RBFOX1: variants seen among roughly 807,000 people sequenced by gnomAD.
The protein encoded by RBFOX1 is RNA binding protein fox-1 homolog 1.
RBFOX1 carries 8 observed loss-of-function variants against 57.7 expected under a neutral mutation model. That is an observed-to-expected ratio of 0.14 (90% CI 0.08 to 0.25). The LOEUF is 0.25. Ranked by LOEUF, RBFOX1 falls within the 10% of genes least tolerant of loss-of-function variation. The pLI is 1.00. For missense variants in RBFOX1, 611 were observed against 548.5 expected, an observed-to-expected ratio of 1.11 and a Z score of -1.14; for synonymous variants, 326 against 222.4, an observed-to-expected ratio of 1.47 and a Z score of -4.15.
At chr16:7,708,307 T>C (rs2083166027) in intron 14 of RBFOX1, among the ~76,000 whole-genome samples, 1 of 152,218 alleles carries the variant, frequency 6.6e-6, no homozygotes, top group African/African-American at 2.4e-5. Context: ...TTTCCATCTC[T>C]TCTCCATTTT....
At chr16:7,027,187 G>A (rs2041225572) in intron 3 of RBFOX1, among the ~76,000 whole-genome samples, 1 of 152,148 alleles carries the variant, frequency 6.6e-6, no homozygotes, top group Admixed American at 6.5e-5. Context: ...GAAGGCAGGA[G>A]CTGTATCTTA....
intron 2 of RBFOX1, among the ~76,000 whole-genome samples, chr16:6,653,483 A>T (rs1568059687): frequency 1.3e-5 from 2 of 152,128 alleles, no homozygotes; most frequent in Non-Finnish European, 2.9e-5. Context: ...TGTGTCTGTC[A>T]TTTTGTCTAA....
intron 3 of RBFOX1, among the ~76,000 whole-genome samples, chr16:5,688,522 C>A (rs1386289422): frequency 6.6e-6 from 1 of 152,148 alleles, no homozygotes; most frequent in Non-Finnish European, 1.5e-5. Flanking sequence ...TCTTGTACCT[C>A]CCAGATGTCC....
intron 2 of RBFOX1, among the ~76,000 whole-genome samples, chr16:6,571,682 T>A (rs1219218044): frequency 6.6e-6 from 1 of 152,066 alleles, no homozygotes. Flanking sequence ...CCTCCTGAGA[T>A]CCATTGAATA....
At chr16:6,604,667 C>T (rs2097901877) in intron 2 of RBFOX1, among the ~76,000 whole-genome samples, 2 of 152,242 alleles carry the variant, frequency 1.3e-5, no homozygotes, top group South Asian at 4.2e-4. Flanking sequence ...TACTTTTGTG[C>T]ATATTGAAAC....
intron 5 of RBFOX1, among the ~76,000 whole-genome samples, chr16:7,532,421 T>C (rs907598361): frequency 1.3e-5 from 2 of 152,134 alleles, no homozygotes; most frequent in African/African-American, 2.4e-5. Flanking sequence ...ATATTAATCA[T>C]TGGATTTGGG....
chr16:7,468,773 C>T (rs989978203), intron 4 of RBFOX1, among the ~76,000 whole-genome samples: 5 of 152,164 alleles, frequency 3.3e-5, no homozygotes, highest in Admixed American at 1.3e-4. Flanking sequence ...GGCTCCTCAC[C>T]CTTGTTTCTC....
chr16:7,411,832 A>G (rs1342846220), intron 4 of RBFOX1, among the ~76,000 whole-genome samples: 2 of 150,602 alleles, frequency 1.3e-5, no homozygotes, highest in Non-Finnish European at 3.0e-5. Flanking sequence ...GAACCCAGGA[A>G]GCAGTGGTTG....
intron 11 of RBFOX1, among the ~76,000 whole-genome samples, chr16:7,646,269 G>A (rs1198095513): frequency 6.6e-6 from 1 of 152,188 alleles, no homozygotes; most frequent in East Asian, 1.9e-4. Context: ...AGCTATGGCT[G>A]GTGGTTTATT....
intron 1 of RBFOX1, among the ~76,000 whole-genome samples, chr16:6,245,242 G>T (rs934546232): frequency 6.6e-6 from 1 of 152,082 alleles, no homozygotes; most frequent in African/African-American, 2.4e-5. Flanking sequence ...CAGAAATGAT[G>T]GCTTTAAATT....
chr16:6,990,382 G>T lies in RBFOX1; in HGVS notation c.-15-61675G>T, dbSNP rs577603821. ...TCTACTAAAAATACAAAAGTTAGCC[G>T]GTAGTGGTGGCGCATGCCTGTAATC... On this transcript the variant is annotated intron_variant, in intron 3 of 15. Transcript: ENST00000550418. 2.6e-5 allele frequency among the ~76,000 whole-genome samples: 4 copies of T among 152,098 alleles called. No individual in the cohort carries two copies. The East Asian group carries it at 7.8e-4, about 30-fold the overall frequency.
chr16:6,327,465 C>G (rs1316615427), intron 2 of RBFOX1, among the ~76,000 whole-genome samples: 1 of 152,014 alleles, frequency 6.6e-6, no homozygotes, highest in African/African-American at 2.4e-5. Flanking sequence ...ATATATTTTT[C>G]TAACCCATTT....
At chr16:5,975,449 G>C (rs1304457109) in intron 4 of RBFOX1, among the ~76,000 whole-genome samples, 3 of 152,188 alleles carry the variant, frequency 2.0e-5, no homozygotes, top group Non-Finnish European at 4.4e-5. Context: ...GGGAAAAACC[G>C]AGTGTGCTTA....
At chr16:6,864,883 C>G (rs2059630251) in intron 3 of RBFOX1, among the ~76,000 whole-genome samples, 1 of 150,982 alleles carries the variant, frequency 6.6e-6, no homozygotes, top group African/African-American at 2.4e-5. Context: ...CTCATCAAAA[C>G]AAGAGGGGCG....
At chr16:6,744,541 A>G (rs1307875050) in intron 3 of RBFOX1, among the ~76,000 whole-genome samples, 1 of 152,124 alleles carries the variant, frequency 6.6e-6, no homozygotes, top group African/African-American at 2.4e-5. Context: ...ACAGAAATAT[A>G]AAATGAAAAT....
chr16:6,651,715 C>A (rs911972328), intron 2 of RBFOX1, among the ~76,000 whole-genome samples: 9 of 152,120 alleles, frequency 5.9e-5, no homozygotes, highest in Non-Finnish European at 4.4e-5. Flanking sequence ...GGCATACGCA[C>A]AAAAGACTTG....
chr16:6,697,205 T>A (rs2061181935), intron 3 of RBFOX1, among the ~76,000 whole-genome samples: 2 of 152,172 alleles, frequency 1.3e-5, no homozygotes, highest in South Asian at 4.1e-4. Context: ...TATGTATATA[T>A]GGTATAGTGG....
chr16:6,238,297 C>T (rs1269417507), intron 1 of RBFOX1, among the ~76,000 whole-genome samples: 3 of 152,012 alleles, frequency 2.0e-5, no homozygotes, highest in African/African-American at 7.2e-5. Flanking sequence ...GAAATTTGTC[C>T]TTTTGAAACT....
At chr16:6,377,975 G>C (rs980998619) in intron 2 of RBFOX1, among the ~76,000 whole-genome samples, 2 of 152,116 alleles carry the variant, frequency 1.3e-5, no homozygotes, top group Non-Finnish European at 2.9e-5. Context: ...CACCAATCCT[G>C]GTGCTTCATC....
Sources: allele counts gnomAD v4.1 joint callset (sites outside exome capture counted in the v4.1 genomes callset), GRCh38; gene constraint gnomAD v4.1.1; transcripts MANE v1.5; gene names NCBI Gene and HGNC (gene_info 2026-07-23, HGNC 2026-07-21).